FBXO34: variants seen among roughly 807,000 people sequenced by gnomAD.
The protein encoded by FBXO34 is F-box protein 34, also known as F-box only protein 34.
A neutral mutation model predicts 24.5 loss-of-function variants in FBXO34; 12 were observed. The observed-to-expected ratio is 0.49, with a 90% CI of 0.31 to 0.79. The LOEUF (loss-of-function observed/expected upper bound fraction) is 0.79, where lower values mean the gene tolerates loss of function less well. FBXO34 is among the 30% of genes least tolerant of loss of function. The pLI is 0.04. For synonymous variants in FBXO34, 320 were observed against 311.9 expected (o/e 1.03, Z -0.27); for missense variants, 823 against 857.7 (o/e 0.96, Z 0.51).
chr14:55,344,983 C>T (rs7152390), intron 1 of FBXO34, among the ~76,000 whole-genome samples: 45,806 of 151,964 alleles, frequency 0.3, 7,201 homozygotes, highest in Non-Finnish European at 0.34. Flanking sequence ...TAGCCCAGAG[C>T]GGCTAGGACA....
chr14:55,326,427 T>C (rs1883345371), intron 1 of FBXO34, among the ~76,000 whole-genome samples: 1 of 152,218 alleles, frequency 6.6e-6, no homozygotes, highest in South Asian at 2.1e-4. Flanking sequence ...GATTTTGAAG[T>C]GCCTTTTCTT....
At chr14:55,340,401 CTTT>C (rs10717969) in intron 1 of FBXO34, among the ~76,000 whole-genome samples, 9 of 141,340 alleles carry the variant, frequency 6.4e-5, no homozygotes, top group Admixed American at 7.1e-5. Flanking sequence ...TCATGCTTGG[CTTT>C]TTTTTTTTTT....
At chr14:55,433,824 GA>G in the FBXO34 span, 2 of 970,494 alleles carry the variant, frequency 2.1e-6, no homozygotes, top group South Asian at 3.8e-5. Context: ...GATTGGATGG[GA>G]AAACTAAATG....
the FBXO34 span, among the ~76,000 whole-genome samples, chr14:55,414,957 G>A: frequency 6.6e-6 from 1 of 152,058 alleles, no homozygotes; most frequent in East Asian, 1.9e-4. Context: ...ATTATTAGAG[G>A]GGAAAACTGT....
the FBXO34 span, chr14:55,424,252 A>G: frequency 1.9e-6 from 3 of 1,604,688 alleles, no homozygotes; most frequent in Non-Finnish European, 1.7e-6. Flanking sequence ...TCAGGCTCGT[A>G]ACTGTTAAGA....
chr14:55,365,241 A>AAAAC (rs1884655405), downstream of FBXO34, among the ~76,000 whole-genome samples: 2 of 145,622 alleles, frequency 1.4e-5, no homozygotes, highest in African/African-American at 5.1e-5. Context: ...AAAAAAAAAA[A>AAAAC]AAAACAAAAA....
the FBXO34 span, chr14:55,436,767 C>T: frequency 6.8e-6 from 11 of 1,614,206 alleles, no homozygotes; most frequent in Non-Finnish European, 9.3e-6. Flanking sequence ...TGGGTGATGG[C>T]AACCTACTTT....
chr14:55,427,794 A>G, the FBXO34 span, among the ~76,000 whole-genome samples: 1 of 151,946 alleles, frequency 6.6e-6, no homozygotes, highest in African/African-American at 2.4e-5. Context: ...GAAAAGGAAT[A>G]TACTACAGGC....
chr14:55,370,592 G>C (rs1884792276), downstream of FBXO34, among the ~76,000 whole-genome samples: 1 of 151,264 alleles, frequency 6.6e-6, no homozygotes, highest in Non-Finnish European at 1.5e-5. Flanking sequence ...CTCTTTGCTG[G>C]CACCTCAGCA....
intron 1 of FBXO34, among the ~76,000 whole-genome samples, chr14:55,344,172 C>T (rs1278677529): frequency 6.6e-6 from 1 of 152,146 alleles, no homozygotes; most frequent in African/African-American, 2.4e-5. Flanking sequence ...GGTGCTCACC[C>T]TCTCACCTTC....
chr14:55,280,101 C>T (rs1285785437), intron 1 of FBXO34, among the ~76,000 whole-genome samples: 2 of 152,060 alleles, frequency 1.3e-5, no homozygotes, highest in Non-Finnish European at 2.9e-5. Flanking sequence ...TCTCATCCTA[C>T]TAGTATTTAT....
chr14:55,323,034 G>GAAAA, intron 1 of FBXO34, among the ~76,000 whole-genome samples: 1 of 62,600 alleles, frequency 1.6e-5, no homozygotes, highest in East Asian at 4.9e-4. Flanking sequence ...AAAAAAAAAA[G>GAAAA]CAAAAACGGG....
At chr14:55,400,867 G>A in the FBXO34 span, among the ~76,000 whole-genome samples, 3 of 151,764 alleles carry the variant, frequency 2.0e-5, no homozygotes, top group East Asian at 1.9e-4. Context: ...TTACGTCACT[G>A]CACTCCAGCC....
intron 1 of FBXO34, among the ~76,000 whole-genome samples, chr14:55,342,708 T>A (rs937413610): frequency 2.6e-5 from 4 of 152,218 alleles, no homozygotes; most frequent in Non-Finnish European, 5.9e-5. Flanking sequence ...CAGCCTTTTA[T>A]ATGCTTTTAG....
At chr14:55,289,716 T>C (rs78198750) in intron 1 of FBXO34, among the ~76,000 whole-genome samples, 5,117 of 152,186 alleles carry the variant, frequency 0.034, 139 homozygotes, top group Non-Finnish European at 0.05. Context: ...TATTTATTTA[T>C]TTATTTATTT....
At chr14:55,314,780 T>C (rs1024536943) in intron 1 of FBXO34, among the ~76,000 whole-genome samples, 4 of 152,246 alleles carry the variant, frequency 2.6e-5, no homozygotes, top group African/African-American at 9.6e-5. Context: ...TATCCTTTTA[T>C]ATTGTGTTTT....
At chr14:55,317,004 G>T (rs1882955087) in intron 1 of FBXO34, among the ~76,000 whole-genome samples, 2 of 152,188 alleles carry the variant, frequency 1.3e-5, no homozygotes, top group Admixed American at 6.5e-5. Context: ...TTCACTGGGG[G>T]ATGATCTGGC....
the FBXO34 span, among the ~76,000 whole-genome samples, chr14:55,438,572 TTCCCCA>T: frequency 1.3e-5 from 2 of 152,220 alleles, no homozygotes; most frequent in African/African-American, 4.8e-5. Context: ...CCCCTTCCCC[TTCCCCA>T]TCATGGCATT....
intron 1 of FBXO34, chr14:55,298,659 G>T: frequency 1.3e-6 from 2 of 1,525,616 alleles, no homozygotes; most frequent in Non-Finnish European, 8.9e-7. Context: ...CGGGGCTGGA[G>T]GGGGTAAGGC....
Sources: gnomAD v4.1 joint callset for allele counts (sites outside exome capture counted in the v4.1 genomes callset) on GRCh38, gnomAD v4.1.1 for gene constraint, MANE v1.5 for transcripts, NCBI Gene and HGNC (gene_info 2026-07-23, HGNC 2026-07-21) for gene names.